The following KLHDC1 variants were observed in gnomAD, a reference collection of about 807,000 sequenced individuals.
KLHDC1 encodes the protein kelch domain-containing protein 1.
In KLHDC1, 53 loss-of-function variants were observed where a neutral mutation model predicts 68.3. The ratio of observed to expected loss-of-function variants is 0.78; its 90% CI spans 0.62 to 0.98. The LOEUF is 0.98. Among genes scored for constraint, KLHDC1 ranks in the 50% least tolerant of loss-of-function variants. The pLI, the probability that KLHDC1 is intolerant of heterozygous loss-of-function variation, is 0.00. For missense variants in KLHDC1, 470 were observed against 492.3 expected (o/e 0.95, Z 0.43); for synonymous variants, 148 against 159.0 (o/e 0.93, Z 0.52).
intron 1 of KLHDC1, among the ~76,000 whole-genome samples, chr14:49,698,688 G>A (rs1345839664): frequency 2.0e-5 from 3 of 151,202 alleles, no homozygotes; most frequent in Non-Finnish European, 2.9e-5. Flanking sequence ...GCTAGTTTTT[G>A]TATTTTTAGT....
At chr14:49,751,348 G>A (rs1219331429) in intron 12 of KLHDC1, among the ~76,000 whole-genome samples, 1 of 151,846 alleles carries the variant, frequency 6.6e-6, no homozygotes. Flanking sequence ...AATGTTTGAG[G>A]GGATGGATAC....
chr14:49,733,643 G>C (rs568676767), intron 9 of KLHDC1, among the ~76,000 whole-genome samples: 2 of 151,822 alleles, frequency 1.3e-5, no homozygotes, highest in Non-Finnish European at 1.5e-5. Context: ...GGCTGGTCTC[G>C]AATTCCTGAC....
chr14:49,695,149 T>TGTG (rs1555337472), intron 1 of KLHDC1, among the ~76,000 whole-genome samples: 1 of 151,132 alleles, frequency 6.6e-6, no homozygotes, highest in Non-Finnish European at 1.5e-5. Flanking sequence ...TGTGTGTGTG[T>TGTG]TTTGAGACAA....
At position 49,723,896 on chromosome 14, in the gene KLHDC1, G is replaced by A; in HGVS notation, c.427G>A (p.Gly143Arg). Residue 143 changes from glycine to arginine, a missense_variant, in exon 5 of 13, where the codon GGG becomes AGG. Physicochemically the swap from Gly to Arg is moderately radical, Grantham distance 125. Coordinates refer to ENST00000359332, the MANE Select transcript of KLHDC1 (RefSeq NM_172193.3). Reference sequence around the variant, plus strand: ...CAGACTAATATATTTTGGTGGTTATGGGTGTAGGAGACACAGTGAACTCCA... The same window carrying A: ...CAGACTAATATATTTTGGTGGTTATAGGTGTAGGAGACACAGTGAACTCCA... Reference protein sequence around the residue: ...KDRLIYFGGYGCRRHSELQDC... With the variant: ...KDRLIYFGGYRCRRHSELQDC... The A allele has an allele frequency of 6.3e-7, 1 of 1,598,754 alleles. No homozygotes were observed.
intron 8 of KLHDC1, 38 bp from the exon 9 acceptor site, chr14:49,732,666 A>C: frequency 7.8e-6 from 8 of 1,029,280 alleles, no homozygotes; most frequent in Non-Finnish European, 1.2e-5. Context: ...TATTTTGATT[A>C]ATATAGTACC....
At chr14:49,726,194 G>A (rs116950732) in intron 6 of KLHDC1, among the ~76,000 whole-genome samples, 1,655 of 152,260 alleles carry the variant, frequency 0.011, 14 homozygotes, top group Middle Eastern at 0.037. Context: ...CACATACCAA[G>A]TAGTTCTCTT....
At chr14:49,743,881 A>T in intron 12 of KLHDC1, 76 bp downstream of exon 12, 1 of 885,232 alleles carries the variant, frequency 1.1e-6, no homozygotes, top group Non-Finnish European at 1.8e-6. Context: ...GGAAGCATTG[A>T]AATATTTTTC....
At chr14:49,697,300 G>A (rs1887772881) in intron 1 of KLHDC1, among the ~76,000 whole-genome samples, 1 of 152,172 alleles carries the variant, frequency 6.6e-6, no homozygotes, top group Non-Finnish European at 1.5e-5. Context: ...AGAGAGAGGG[G>A]GGAATGGTTG....
In KLHDC1 at chr14:49,753,041, C is replaced by G. The variant is rs1481127298; in HGVS notation, c.*1269C>G. 1 of 151,820 alleles carries G rather than the reference C, an allele frequency of 6.6e-6. No homozygotes were observed. The highest frequency in any genetic ancestry group is 2.4e-5 in the African/African-American group (1 of 41,354). 9.4% of individuals were successfully genotyped at this position (151,820 alleles called of 1,614,324 possible). A position where few individuals can be genotyped will look rare whatever the true frequency, so the allele number is the denominator to read the frequency against. On this transcript the variant is annotated 3_prime_UTR_variant, in exon 13 of 13. Transcript: ENST00000359332. ...ACTGTATTTTGGATGTGTAAAGCTT[C>G]TATGTATTGAAATATTTTTTTACGT...
intron 4 of KLHDC1, among the ~76,000 whole-genome samples, chr14:49,718,811 C>A (rs1888450180): frequency 1.2e-5 from 1 of 86,278 alleles, no homozygotes; most frequent in South Asian, 4.1e-4. Context: ...TAGTCTCACT[C>A]TGTTCACTTT....
chr14:49,698,028 CAA>C (rs1388715237), intron 1 of KLHDC1, among the ~76,000 whole-genome samples: 1 of 152,074 alleles, frequency 6.6e-6, no homozygotes, highest in East Asian at 1.9e-4. Context: ...ATTCTTGATG[CAA>C]AGAGTCTAGA....
intron 11 of KLHDC1, among the ~76,000 whole-genome samples, chr14:49,743,134 C>T (rs996706927): frequency 3.4e-5 from 5 of 148,288 alleles, no homozygotes; most frequent in Admixed American, 2.0e-4. Flanking sequence ...CGGTGGCTCA[C>T]GCCTGTAATC....
At chr14:49,741,229 C>A (rs758977846) in intron 11 of KLHDC1, among the ~76,000 whole-genome samples, 1 of 152,080 alleles carries the variant, frequency 6.6e-6, no homozygotes, top group Admixed American at 6.6e-5. Context: ...GTTGAAGCCA[C>A]CTGATTATTC....
intron 12 of KLHDC1, among the ~76,000 whole-genome samples, chr14:49,747,072 G>A (rs1003782788): frequency 2.7e-5 from 4 of 150,880 alleles, no homozygotes; most frequent in African/African-American, 7.3e-5. Context: ...TCAGCCTCCC[G>A]AGTAGCTGGG....
intron 1 of KLHDC1, among the ~76,000 whole-genome samples, chr14:49,695,983 G>A (rs1418820691): frequency 1.3e-5 from 2 of 151,408 alleles, no homozygotes; most frequent in African/African-American, 2.4e-5. Flanking sequence ...GGAGAATGGC[G>A]AGAACCCAGG....
intron 12 of KLHDC1, among the ~76,000 whole-genome samples, chr14:49,750,561 A>G (rs1258380981): frequency 6.6e-6 from 1 of 152,200 alleles, no homozygotes; most frequent in East Asian, 1.9e-4. Flanking sequence ...AAGAACATCT[A>G]AATCTCTAGA....
intron 6 of KLHDC1, 91 bp from the exon 7 acceptor site, chr14:49,728,835 G>A (rs1888733358): frequency 4.5e-6 from 4 of 891,430 alleles, no homozygotes; most frequent in African/African-American, 1.6e-5. Context: ...TGATAACTTA[G>A]TGATTAAGAC....
intron 1 of KLHDC1, among the ~76,000 whole-genome samples, chr14:49,696,902 T>G (rs1887759406): frequency 2.0e-5 from 3 of 152,022 alleles, no homozygotes; most frequent in South Asian, 4.2e-4. Flanking sequence ...CTTGAACACT[T>G]AGAGTCCATT....
At chr14:49,714,240 G>A (rs983674509) in intron 4 of KLHDC1, among the ~76,000 whole-genome samples, 10 of 151,174 alleles carry the variant, frequency 6.6e-5, no homozygotes, top group Admixed American at 2.6e-4. Context: ...TTGGGAGGCC[G>A]AGGCGCGCAG....
Sources: allele counts gnomAD v4.1 joint callset (sites outside exome capture counted in the v4.1 genomes callset), GRCh38; gene constraint gnomAD v4.1.1; transcripts MANE v1.5; gene names NCBI Gene and HGNC (gene_info 2026-07-23, HGNC 2026-07-21).